The following ROBO2 variants were observed in gnomAD, a reference collection of about 807,000 sequenced individuals.
ROBO2 encodes roundabout guidance receptor 2.
In ROBO2, 53 loss-of-function variants were observed where a neutral mutation model predicts 160.8. The ratio of observed to expected loss-of-function variants is 0.33; its 90% confidence interval spans 0.26 to 0.41. The LOEUF is 0.41. ROBO2 is among the 10% of genes least tolerant of loss of function. The pLI, the probability that ROBO2 is intolerant of heterozygous loss-of-function variation, is 1.00. For synonymous variants in ROBO2, 664 were observed against 611.7 expected (o/e 1.09, Z -1.26); for missense variants, 1,577 against 1,722.4 (o/e 0.92, Z 1.49).
At chr3:77,034,805 G>C (rs554748233) in intron 2 of ROBO2, among the ~76,000 whole-genome samples, 1 of 151,866 alleles carries the variant, frequency 6.6e-6, no homozygotes, top group Non-Finnish European at 1.5e-5. Flanking sequence ...GCTATGTATT[G>C]CTAAAATTTA....
intron 2 of ROBO2, among the ~76,000 whole-genome samples, chr3:76,497,557 G>A (rs574801114): frequency 3.9e-5 from 6 of 152,138 alleles, no homozygotes; most frequent in Admixed American, 6.5e-5. Flanking sequence ...CTCTTGTCTT[G>A]TGTGACGGTT....
intron 2 of ROBO2, among the ~76,000 whole-genome samples, chr3:77,417,536 C>T (rs2077357010): frequency 6.6e-6 from 1 of 152,080 alleles, no homozygotes; most frequent in Admixed American, 6.6e-5. Context: ...ATTGCATTGT[C>T]TCAGTCATTA....
At chr3:75,995,487 T>C (rs2107532872) in intron 2 of ROBO2, among the ~76,000 whole-genome samples, 1 of 152,256 alleles carries the variant, frequency 6.6e-6, no homozygotes, top group East Asian at 1.9e-4. Flanking sequence ...AGAAAATGTA[T>C]GGGAACACCA....
intron 2 of ROBO2, among the ~76,000 whole-genome samples, chr3:76,057,736 T>A (rs1032597327): frequency 1.3e-5 from 2 of 152,126 alleles, no homozygotes; most frequent in African/African-American, 4.8e-5. Flanking sequence ...ATTCACCAAA[T>A]GTCCTTTGTC....
chr3:76,885,840 C>T (rs181077190), intron 2 of ROBO2, among the ~76,000 whole-genome samples: 5 of 152,206 alleles, frequency 3.3e-5, no homozygotes, highest in Non-Finnish European at 7.4e-5. Flanking sequence ...TTTTTCCTGC[C>T]TCCTTCATGT....
At chr3:76,711,722 C>G (rs747125496) in intron 2 of ROBO2, among the ~76,000 whole-genome samples, 5 of 152,276 alleles carry the variant, frequency 3.3e-5, no homozygotes, top group Non-Finnish European at 7.4e-5. Flanking sequence ...TTTCATCATG[C>G]ACCATGCTGC....
At chr3:77,366,186 T>C (rs9843270) in intron 2 of ROBO2, among the ~76,000 whole-genome samples, 61,622 of 151,952 alleles carry the variant, frequency 0.41, 13,224 homozygotes, top group East Asian at 0.71. Flanking sequence ...TTGAAAAAAT[T>C]TCAAGTCTTT....
chr3:76,544,850 C>T (rs1201243142), intron 2 of ROBO2, among the ~76,000 whole-genome samples: 1 of 151,924 alleles, frequency 6.6e-6, no homozygotes, highest in Non-Finnish European at 1.5e-5. Context: ...ACCCAATAAC[C>T]ATGGGGTACT....
chr3:77,525,738 T>C (rs529436871), intron 6 of ROBO2, among the ~76,000 whole-genome samples: 5 of 151,138 alleles, frequency 3.3e-5, no homozygotes, highest in African/African-American at 1.2e-4. Flanking sequence ...TAAAATAAAA[T>C]AGAAATACAT....
chr3:75,969,754 C>T (rs2064937183), intron 2 of ROBO2, among the ~76,000 whole-genome samples: 1 of 151,470 alleles, frequency 6.6e-6, no homozygotes, highest in Non-Finnish European at 1.5e-5. Flanking sequence ...TGTTTTTTGA[C>T]ATTGAGTTGT....
intron 2 of ROBO2, among the ~76,000 whole-genome samples, chr3:77,205,662 A>G (rs2083365077): frequency 6.6e-6 from 1 of 152,088 alleles, no homozygotes; most frequent in Admixed American, 6.5e-5. Flanking sequence ...TCCTCTCCAT[A>G]TCACATGCAC....
chr3:77,090,376 C>T (rs764771744), intron 1 of ROBO2, among the ~76,000 whole-genome samples: 16 of 71,850 alleles, frequency 2.2e-4, no homozygotes, highest in Non-Finnish European at 3.6e-4. Flanking sequence ...TTTTTTGAGA[C>T]GGAGTTTCGC....
chr3:76,194,583 C>CGGAA (rs1559629460), intron 2 of ROBO2, among the ~76,000 whole-genome samples: 1 of 151,202 alleles, frequency 6.6e-6, no homozygotes, highest in East Asian at 1.9e-4. Flanking sequence ...AAGTTAATAC[C>CGGAA]GGAAGGACTG....
At chr3:76,918,224 G>A (rs1203841005) in intron 2 of ROBO2, among the ~76,000 whole-genome samples, 1 of 152,162 alleles carries the variant, frequency 6.6e-6, no homozygotes, top group Non-Finnish European at 1.5e-5. Context: ...TTGGATCACG[G>A]AGGTGGTTTC....
At chr3:77,391,620 T>C (rs1203004267) in intron 2 of ROBO2, among the ~76,000 whole-genome samples, 2 of 152,164 alleles carry the variant, frequency 1.3e-5, no homozygotes, top group African/African-American at 4.8e-5. Flanking sequence ...CTCTCTCTTA[T>C]GACACATGGA....
chr3:76,269,599 A>AC (rs1707307472), intron 2 of ROBO2, among the ~76,000 whole-genome samples: 1 of 150,592 alleles, frequency 6.6e-6, no homozygotes, highest in Non-Finnish European at 1.5e-5. Context: ...AAAAAAAAAA[A>AC]CAGAGTAAAT....
At chr3:77,285,894 A>T (rs1035282144) in intron 2 of ROBO2, among the ~76,000 whole-genome samples, 1 of 152,180 alleles carries the variant, frequency 6.6e-6, no homozygotes, top group Admixed American at 6.5e-5. Flanking sequence ...TGAAAAGATA[A>T]TGCCCTATAT....
At chr3:76,041,633 G>GT (rs1206865125) in intron 2 of ROBO2, among the ~76,000 whole-genome samples, 1 of 151,768 alleles carries the variant, frequency 6.6e-6, no homozygotes, top group Non-Finnish European at 1.5e-5. Context: ...AGAATTTTTT[G>GT]TTTTTTCATG....
At chr3:75,926,855 A>C (rs1947312999) in intron 1 of ROBO2, among the ~76,000 whole-genome samples, 1 of 152,200 alleles carries the variant, frequency 6.6e-6, no homozygotes, top group Non-Finnish European at 1.5e-5. Flanking sequence ...AGCTCAGTCG[A>C]ACTTGGCAGA....
Sources: allele counts gnomAD v4.1 joint callset (sites outside exome capture counted in the v4.1 genomes callset), GRCh38; gene constraint gnomAD v4.1.1; transcripts MANE v1.5; gene names NCBI Gene and HGNC (gene_info 2026-07-23, HGNC 2026-07-21).